The following TEX11 variants were observed in gnomAD, a reference collection of about 807,000 sequenced individuals.
TEX11 encodes the protein testis-expressed protein 11.
TEX11 carries 7 observed loss-of-function variants against 84.4 expected under a neutral mutation model. The observed-to-expected ratio is 0.08, with a 90% confidence interval of 0.05 to 0.16. The LOEUF (loss-of-function observed/expected upper bound fraction) is 0.16. TEX11 is among the 10% of genes least tolerant of loss of function. TEX11 has a pLI of 1.00. For synonymous variants in TEX11, 264 were observed against 222.8 expected (o/e 1.18, Z -1.64); for missense variants, 551 against 660.5 (o/e 0.83, Z 1.82).
intron 25 of TEX11, among the ~76,000 whole-genome samples, chrX:70,567,360 T>A (rs2088503645): frequency 1.8e-5 from 2 of 111,681 alleles, no homozygotes; most frequent in South Asian, 7.5e-4. Flanking sequence ...AACCAGCTCC[T>A]GGATTCATGA....
chrX:70,561,217 C>G (rs1444418102), intron 25 of TEX11, among the ~76,000 whole-genome samples: 6 of 108,760 alleles, frequency 5.5e-5, no homozygotes, highest in Non-Finnish European at 9.5e-5. Context: ...TTGTGGCTTT[C>G]AGTGCAGAGG....
intron 15 of TEX11, among the ~76,000 whole-genome samples, chrX:70,678,519 TTCTC>T (rs1378571998): frequency 9.0e-6 from 1 of 110,834 alleles, no homozygotes; most frequent in East Asian, 2.8e-4. Context: ...ATAAAACTCT[TTCTC>T]AGCCCTCATG....
intron 2 of TEX11, among the ~76,000 whole-genome samples, chrX:70,905,329 GA>G (rs909771494): frequency 2.1e-4 from 22 of 106,330 alleles, no homozygotes; most frequent in East Asian, 1.2e-3. Context: ...TGTCTCAAAA[GA>G]AAAAAAAAAT....
chrX:70,627,394 G>A (rs1165679991), intron 18 of TEX11, among the ~76,000 whole-genome samples: 5 of 112,068 alleles, frequency 4.5e-5, no homozygotes, highest in African/African-American at 1.3e-4. Flanking sequence ...AAAGGCAAGA[G>A]GTGATAGAAA....
intron 29 of TEX11, among the ~76,000 whole-genome samples, chrX:70,529,543 C>A (rs1053601296): frequency 3.6e-5 from 4 of 112,272 alleles, no homozygotes; most frequent in African/African-American, 1.3e-4. Context: ...CCCACATGCA[C>A]TGGCACTGAC....
chrX:70,841,252 T>G (rs201996650), intron 7 of TEX11, among the ~76,000 whole-genome samples: 32,107 of 108,637 alleles, frequency 0.3, 3,760 homozygotes, highest in Admixed American at 0.45. Flanking sequence ...TCAGCAAATG[T>G]AAAAGAACAG....
At chrX:70,731,930 C>T (rs1022702047) in intron 11 of TEX11, among the ~76,000 whole-genome samples, 16 of 111,800 alleles carry the variant, frequency 1.4e-4, no homozygotes, top group African/African-American at 5.2e-4. Flanking sequence ...TTGAATTCAG[C>T]AGCACATCAA....
In TEX11 at chrX:70,765,246, C is replaced by T. The variant is rs190383366; in HGVS notation, c.693-21027G>A. The stretch of plus-strand genomic sequence containing the variant: ...ACTAAAACCACAGAAATTAGCTGGG[C>T]GTGGTGGCACAAGCCTGTAATCCCA... On this transcript the variant is annotated intron_variant, in intron 9 of 29. Transcript: ENST00000374333. Among the ~76,000 whole-genome samples the T allele has an allele frequency of 4.8e-3, 527 of 110,837 alleles. 5 individuals carry two copies. The highest frequency in any genetic ancestry group is 7.2e-3 in the Non-Finnish European group (379 of 52,922).
chrX:70,747,454 C>G (rs943769221), intron 9 of TEX11, among the ~76,000 whole-genome samples: 2 of 112,007 alleles, frequency 1.8e-5, no homozygotes, highest in Admixed American at 9.5e-5. Context: ...CAATAAGCCC[C>G]AGAAAGAGGA....
chrX:70,624,123 G>T, intron 19 of TEX11, 117 bp from the exon 20 acceptor site: 2 of 392,756 alleles, frequency 5.1e-6, no homozygotes, highest in Non-Finnish European at 8.6e-6. Context: ...AGAAAAGAGA[G>T]GGTAAAGGGG....
chrX:70,564,650 C>A (rs765016249), intron 25 of TEX11, among the ~76,000 whole-genome samples: 1 of 104,787 alleles, frequency 9.5e-6, no homozygotes, highest in Admixed American at 1.1e-4. Flanking sequence ...GGAGAACATA[C>A]AGTGTTTGGT....
chrX:70,557,753 G>C (rs2088307867), intron 25 of TEX11, among the ~76,000 whole-genome samples: 1 of 111,481 alleles, frequency 9.0e-6, no homozygotes, highest in Non-Finnish European at 1.9e-5. Flanking sequence ...AGTTGATCTT[G>C]AAACTCGTAT....
chrX:70,886,798 C>G (rs987283515), intron 2 of TEX11, among the ~76,000 whole-genome samples: 1 of 111,614 alleles, frequency 9.0e-6, no homozygotes. Flanking sequence ...CTGGGCTCAT[C>G]GGAAGATAAA....
chrX:70,810,471 G>T (rs749864666), intron 8 of TEX11, among the ~76,000 whole-genome samples: 16 of 111,707 alleles, frequency 1.4e-4, no homozygotes, highest in Non-Finnish European at 2.4e-4. Flanking sequence ...CCATAAAAAA[G>T]AATGAGTTCA....
At chrX:70,786,167 T>C (rs1451699475) in intron 9 of TEX11, among the ~76,000 whole-genome samples, 2 of 111,466 alleles carry the variant, frequency 1.8e-5, no homozygotes, top group African/African-American at 6.5e-5. Context: ...ATGTCCTTTG[T>C]AGGGACATGG....
intron 3 of TEX11, 76 bp from the exon 4 acceptor site, chrX:70,873,383 G>T (rs1019664857): frequency 4.3e-5 from 29 of 668,238 alleles, no homozygotes; most frequent in Non-Finnish European, 6.7e-5. Flanking sequence ...CTTGAATGTT[G>T]TATGCTTATG....
At chrX:70,705,563 G>A (rs1292566603) in intron 13 of TEX11, among the ~76,000 whole-genome samples, 1 of 111,434 alleles carries the variant, frequency 9.0e-6, no homozygotes, top group Non-Finnish European at 1.9e-5. Flanking sequence ...CTACTCATCT[G>A]ACAAAGGGCT....
chrX:70,878,196 G>T (rs1450359485), intron 3 of TEX11, among the ~76,000 whole-genome samples: 1 of 79,854 alleles, frequency 1.3e-5, no homozygotes, highest in Non-Finnish European at 2.3e-5. Flanking sequence ...TTTTTGAGAC[G>T]GAGTCTCGCT....
chrX:70,785,829 G>T (rs1324547204), intron 9 of TEX11, among the ~76,000 whole-genome samples: 2 of 112,046 alleles, frequency 1.8e-5, no homozygotes, highest in African/African-American at 6.5e-5. Flanking sequence ...ACAGGTGCTG[G>T]TAAGGTTGTG....
Sources: gnomAD v4.1 joint callset for allele counts (sites outside exome capture counted in the v4.1 genomes callset) on GRCh38, gnomAD v4.1.1 for gene constraint, MANE v1.5 for transcripts, NCBI Gene and HGNC (gene_info 2026-07-23, HGNC 2026-07-21) for gene names.